The following GPC5 variants were observed in gnomAD, a reference collection of about 807,000 sequenced individuals.
GPC5 encodes the protein glypican 5.
In GPC5, 47 loss-of-function variants were observed where a neutral mutation model predicts 53.9. That is an observed-to-expected ratio of 0.87 (90% confidence interval 0.69 to 1.11). The LOEUF (loss-of-function observed/expected upper bound fraction) is 1.11. Ranked by LOEUF, GPC5 falls within the 50% of genes most tolerant of loss-of-function variation. The probability of loss-of-function intolerance (pLI) is 0.00; values close to 1 mark genes in which losing one functional copy is unlikely to be tolerated. For missense variants in GPC5, 748 were observed against 713.1 expected, an observed-to-expected ratio of 1.05 and a Z score of -0.56; for synonymous variants, 286 against 263.3, an observed-to-expected ratio of 1.09 and a Z score of -0.84.
intron 2 of GPC5, among the ~76,000 whole-genome samples, chr13:91,621,017 A>G (rs1303205628): frequency 1.3e-5 from 2 of 152,134 alleles, no homozygotes; most frequent in African/African-American, 4.8e-5. Flanking sequence ...AGAGATGTCC[A>G]CAGCCAGAAT....
chr13:92,073,331 G>GT (rs1248277519), intron 6 of GPC5, among the ~76,000 whole-genome samples: 1 of 152,174 alleles, frequency 6.6e-6, no homozygotes, highest in East Asian at 1.9e-4. Context: ...GCTTGTCCTA[G>GT]TTTCTAATTG....
chr13:92,458,511 T>C (rs1225223149), intron 7 of GPC5, among the ~76,000 whole-genome samples: 2 of 152,124 alleles, frequency 1.3e-5, no homozygotes, highest in African/African-American at 4.8e-5. Flanking sequence ...GTTGGCAGGC[T>C]GGTCTTGAAC....
intron 3 of GPC5, among the ~76,000 whole-genome samples, chr13:91,716,616 AAT>A (rs2036343815): frequency 6.6e-6 from 1 of 152,162 alleles, no homozygotes; most frequent in Non-Finnish European, 1.5e-5. Context: ...TATTCTGCAT[AAT>A]AAGCATTTGT....
intron 2 of GPC5, among the ~76,000 whole-genome samples, chr13:91,463,012 G>T (rs1321566623): frequency 6.6e-6 from 1 of 152,020 alleles, no homozygotes; most frequent in Non-Finnish European, 1.5e-5. Context: ...ACAGCACTAG[G>T]TTAAATATGT....
intron 7 of GPC5, among the ~76,000 whole-genome samples, chr13:92,754,726 A>G (rs937955893): frequency 2.0e-5 from 3 of 151,742 alleles, no homozygotes; most frequent in Non-Finnish European, 4.4e-5. Context: ...ATCAAAAGAG[A>G]CAAAGAAGGC....
chr13:92,250,656 C>T (rs1328624354), intron 7 of GPC5, among the ~76,000 whole-genome samples: 2 of 152,024 alleles, frequency 1.3e-5, no homozygotes, highest in Admixed American at 6.6e-5. Flanking sequence ...ACTTTTGACA[C>T]ATGAAAACCA....
intron 7 of GPC5, among the ~76,000 whole-genome samples, chr13:92,679,754 G>T (rs1399783271): frequency 6.6e-6 from 1 of 151,986 alleles, no homozygotes; most frequent in Non-Finnish European, 1.5e-5. Context: ...ATAACTAATG[G>T]ATCTCTTGGC....
chr13:92,844,662 G>A (rs895512794), intron 7 of GPC5, among the ~76,000 whole-genome samples: 28 of 151,638 alleles, frequency 1.8e-4, no homozygotes, highest in Non-Finnish European at 1.2e-4. Flanking sequence ...GTAAAAAACT[G>A]GTCAATTATT....
chr13:92,100,201 A>G (rs971873028), intron 6 of GPC5, among the ~76,000 whole-genome samples: 1 of 152,110 alleles, frequency 6.6e-6, no homozygotes, highest in Non-Finnish European at 1.5e-5. Context: ...TCAGGAGTTC[A>G]AGACCAACCT....
At chr13:91,825,320 C>T (rs1392173443) in intron 5 of GPC5, among the ~76,000 whole-genome samples, 5 of 152,076 alleles carry the variant, frequency 3.3e-5, no homozygotes, top group Admixed American at 1.3e-4. Flanking sequence ...ATATGCTTAT[C>T]TCCAATGTTA....
At chr13:92,155,197 A>T (rs2041934909) in intron 7 of GPC5, among the ~76,000 whole-genome samples, 1 of 152,164 alleles carries the variant, frequency 6.6e-6, no homozygotes, top group African/African-American at 2.4e-5. Context: ...TTTAGTCTTA[A>T]AAATTAATTT....
At chr13:92,400,819 C>G (rs1875522908) in intron 7 of GPC5, among the ~76,000 whole-genome samples, 1 of 152,092 alleles carries the variant, frequency 6.6e-6, no homozygotes, top group South Asian at 2.1e-4. Context: ...ATTCATGTTT[C>G]CTTTCTACAT....
chr13:92,676,629 T>G (rs1321971162), intron 7 of GPC5, among the ~76,000 whole-genome samples: 2 of 152,164 alleles, frequency 1.3e-5, no homozygotes, highest in Admixed American at 1.3e-4. Flanking sequence ...GGTGTGTTTT[T>G]GTTCTCTTAG....
At chr13:91,582,902 G>A (rs2032420375) in intron 2 of GPC5, among the ~76,000 whole-genome samples, 1 of 152,148 alleles carries the variant, frequency 6.6e-6, no homozygotes, top group Non-Finnish European at 1.5e-5. Context: ...CCGGAAGGCT[G>A]AGGCAGGAGA....
chr13:92,191,787 A>G lies in GPC5; in HGVS notation c.1561+46798A>G, dbSNP rs541324409. Among the ~76,000 whole-genome samples, 7 of 152,330 alleles carry G rather than the reference A, an allele frequency of 4.6e-5. No individual in the cohort carries two copies. In the East Asian group the frequency reaches 1.3e-3, roughly 29 times the overall value. On this transcript the variant is annotated intron_variant, in intron 7 of 7. Coordinates refer to ENST00000377067, the MANE Select transcript of GPC5 (RefSeq NM_004466.6). The stretch of plus-strand genomic sequence containing the variant: ...GAAAGGCTCAAGACTCTGTAATTCT[A>G]ACTAAAAATGCTCCTCAGCTTCCAA...
intron 7 of GPC5, among the ~76,000 whole-genome samples, chr13:92,815,613 A>G (rs1877445601): frequency 1.3e-5 from 2 of 151,848 alleles, no homozygotes; most frequent in South Asian, 4.1e-4. Flanking sequence ...AGTTGTATGT[A>G]TCGAAAAATG....
chr13:91,848,143 T>C (rs1352534794), intron 5 of GPC5, among the ~76,000 whole-genome samples: 1 of 152,208 alleles, frequency 6.6e-6, no homozygotes, highest in Non-Finnish European at 1.5e-5. Context: ...TGGAACTAAT[T>C]TCGGACCATG....
rs535069560 is a variant in GPC5 at position 92,729,733 on chromosome 13, AAAGT to A, written c.1562-136545_1562-136542del. On this transcript the variant is annotated intron_variant, in intron 7 of 7. Coordinates refer to ENST00000377067, the MANE Select transcript of GPC5 (RefSeq NM_004466.6). ...ATGTTGCTTGAATTGCTTAAGTCAC[AAAGT>A]AAGACAGGAAAGATAGGATTGAAAT... Among the ~76,000 whole-genome samples, 490 of 151,502 alleles carry A rather than the reference AAAGT, an allele frequency of 3.2e-3. 3 individuals carry two copies. Among genetic ancestry groups the A allele is most frequent in the African/African-American group, 0.011 (468 of 41,448 alleles).
chr13:92,630,603 G>A (rs1346790800), intron 7 of GPC5, among the ~76,000 whole-genome samples: 9 of 152,100 alleles, frequency 5.9e-5, no homozygotes, highest in African/African-American at 1.2e-4. Flanking sequence ...ATGACGGGTT[G>A]ATGGGTGCAG....
Sources: allele counts gnomAD v4.1 joint callset (sites outside exome capture counted in the v4.1 genomes callset), GRCh38; gene constraint gnomAD v4.1.1; transcripts MANE v1.5; gene names NCBI Gene and HGNC (gene_info 2026-07-23, HGNC 2026-07-21).